Variants in PCCB observed in about 807,000 individuals in gnomAD.
PCCB encodes the protein propionyl-CoA carboxylase subunit beta.
In PCCB, 43 loss-of-function variants were observed where a neutral mutation model predicts 60.7. The observed-to-expected ratio is 0.71, with a 90% CI of 0.55 to 0.91. The LOEUF is 0.91. Among genes scored for constraint, PCCB ranks in the 40% least tolerant of loss-of-function variants. The pLI is 0.00. For missense variants in PCCB, 766 were observed against 702.8 expected (o/e 1.09, Z -1.02); for synonymous variants, 276 against 255.9 (o/e 1.08, Z -0.75).
intron 6 of PCCB, among the ~76,000 whole-genome samples, chr3:136,291,742 A>G (rs1476625248): frequency 6.6e-6 from 1 of 152,186 alleles, no homozygotes; most frequent in Non-Finnish European, 1.5e-5. Context: ...TTTGCCTGAG[A>G]GAAGACCCTG....
chr3:136,250,653 C>T, intron 1 of PCCB, 95 bp downstream of exon 1: 1 of 1,268,208 alleles, frequency 7.9e-7, no homozygotes, highest in Non-Finnish European at 1.1e-6. Flanking sequence ...CCCTGCCAAT[C>T]CGCACGGTGC....
Position 136,253,151 on chromosome 3 carries a change from G to A in PCCB, c.183+2593G>A, listed in dbSNP as rs528186279. 3.3e-4 allele frequency among the ~76,000 whole-genome samples: 48 copies of A among 147,626 alleles called. 1 individual carries two copies. In the South Asian group the frequency reaches 4.3e-3, roughly 13 times the overall value. On this transcript the variant is annotated intron_variant, in intron 1 of 14. Coordinates refer to ENST00000251654, the MANE Select transcript of PCCB (RefSeq NM_000532.5). ...GTCACCCAGGCTGGAGTGCAGTGGC[G>A]CGGTCTTGGCTCACTGCAAGCTCCG... is the stretch of plus-strand genomic sequence containing the variant.
chr3:136,327,600 AG>A (rs1935370982), intron 12 of PCCB, 33 bp from the exon 13 acceptor site: 10 of 1,499,052 alleles, frequency 6.7e-6, no homozygotes, highest in Non-Finnish European at 9.3e-6. Context: ...TGGCTGTCTC[AG>A]GCTCTAACAC....
intron 3 of PCCB, among the ~76,000 whole-genome samples, chr3:136,258,043 G>A (rs1054034523): frequency 2.0e-5 from 3 of 151,834 alleles, no homozygotes; most frequent in African/African-American, 7.3e-5. Flanking sequence ...GTTATAAATT[G>A]GTCTACCAAA....
Position 136,327,580 on chromosome 3 carries a change from G to A in PCCB, c.1300-54G>A. ...TACCTGGTTTCCTGGGGTCTTTCAGGGACATGATCTGGCTGTCTCAGGCTC... is the reference window on the plus strand; with the variant it reads ...TACCTGGTTTCCTGGGGTCTTTCAGAGACATGATCTGGCTGTCTCAGGCTC... On this transcript the variant is annotated intron_variant, in intron 12 of 14. Transcript: ENST00000251654. 6 of 1,366,610 alleles carry A rather than the reference G, an allele frequency of 4.4e-6. No homozygotes were observed. In the South Asian group the frequency reaches 7.0e-5, roughly 16 times the overall value. The allele number at this position is 1,366,610 out of a possible 1,614,324, so 84.7% of individuals were successfully genotyped here.
chr3:136,328,435 G>A (rs924319084), intron 13 of PCCB, among the ~76,000 whole-genome samples: 2 of 152,184 alleles, frequency 1.3e-5, no homozygotes, highest in Non-Finnish European at 2.9e-5. Flanking sequence ...GGAAAACAGG[G>A]CTAACATCTT....
At chr3:136,299,963 T>C (rs772226419) in intron 8 of PCCB, among the ~76,000 whole-genome samples, 11 of 152,006 alleles carry the variant, frequency 7.2e-5, no homozygotes, top group South Asian at 2.1e-4. Context: ...TATATACATG[T>C]ATGCATGTAT....
chr3:136,300,008 A>G lies in PCCB; in HGVS notation c.885-1022A>G, dbSNP rs372278043. Reference sequence around the variant, plus strand: ...CATGTGTATATATGCATACCCACACATATGCATGTGTACACGCCCACACAT... The same window carrying G: ...CATGTGTATATATGCATACCCACACGTATGCATGTGTACACGCCCACACAT... On this transcript the variant is annotated intron_variant, in intron 8 of 14. Coordinates refer to ENST00000251654, the MANE Select transcript of PCCB (RefSeq NM_000532.5). 7.0e-4 allele frequency among the ~76,000 whole-genome samples: 105 copies of G among 148,954 alleles called. 1 individual carries two copies. The South Asian group carries it at 0.021, about 29-fold the overall frequency.
chr3:136,298,256 T>C (rs1281228511), intron 8 of PCCB, among the ~76,000 whole-genome samples, 184 bp downstream of exon 8: 1 of 152,108 alleles, frequency 6.6e-6, no homozygotes. Context: ...TTTATTTTCC[T>C]TTTTCCTCTC....
intron 6 of PCCB, among the ~76,000 whole-genome samples, chr3:136,293,546 A>G (rs1427890993): frequency 6.6e-6 from 1 of 152,236 alleles, no homozygotes; most frequent in Non-Finnish European, 1.5e-5. Context: ...CTTCTGAGGT[A>G]GAACTGTGCA....
chr3:136,271,127 A>G (rs1942186610), intron 5 of PCCB, among the ~76,000 whole-genome samples: 1 of 152,026 alleles, frequency 6.6e-6, no homozygotes, highest in Admixed American at 6.6e-5. Flanking sequence ...TTTTAGTTTA[A>G]TTAGGTCCCA....
At chr3:136,256,293 C>T in intron 2 of PCCB, 1 of 573,492 alleles carries the variant, frequency 1.7e-6, no homozygotes, top group Non-Finnish European at 3.1e-6. Context: ...AAGTGGTGGC[C>T]CTGGGTCTTG....
chr3:136,313,949 T>C (rs1032790392), intron 9 of PCCB, among the ~76,000 whole-genome samples: 1 of 152,162 alleles, frequency 6.6e-6, no homozygotes. Flanking sequence ...ATGAACCCTA[T>C]AGTTGCACTG....
intron 9 of PCCB, among the ~76,000 whole-genome samples, chr3:136,308,049 C>G (rs943346427): frequency 1.4e-4 from 21 of 151,872 alleles, no homozygotes; most frequent in Non-Finnish European, 2.9e-5. Context: ...GGGTTTGATT[C>G]ACTTGTTAAA....
At chr3:136,316,219 C>CA (rs1179675269) in intron 9 of PCCB, among the ~76,000 whole-genome samples, 3 of 102,228 alleles carry the variant, frequency 2.9e-5, no homozygotes, top group Non-Finnish European at 4.0e-5. Context: ...GACCCTGTCT[C>CA]AAAAAAAGAA....
rs1178307115 is a variant in PCCB, at chr3:136,305,812, A to G, written c.966+4701A>G. On this transcript the variant is annotated intron_variant, in intron 9 of 14. Transcript: ENST00000251654. ...AAAAGAGTCAAAGCAGTGACTTTAG[A>G]AGCTACTTAAGAGTGCACACACAAA... Among the ~76,000 whole-genome samples the G allele has an allele frequency of 1.6e-5, 2 of 121,352 alleles. 1 individual carries two copies. The highest frequency in any genetic ancestry group is 3.7e-5 in the Non-Finnish European group (2 of 54,494). The allele number at this position is 121,352 out of a possible 152,430, so 79.6% of individuals were successfully genotyped here. A position where few individuals can be genotyped will look rare whatever the true frequency, so the allele number is the denominator to read the frequency against.
intron 2 of PCCB, chr3:136,256,307 G>GT: frequency 1.7e-6 from 1 of 579,588 alleles, no homozygotes; most frequent in South Asian, 2.0e-5. Flanking sequence ...GGTCTTGATT[G>GT]TTTTGCTTTT....
At chr3:136,254,293 A>C (rs1941605226) in intron 1 of PCCB, among the ~76,000 whole-genome samples, 1 of 151,812 alleles carries the variant, frequency 6.6e-6, no homozygotes, top group Non-Finnish European at 1.5e-5. Context: ...ATCTTGGCTC[A>C]CTGCAACCCC....
intron 7 of PCCB, among the ~76,000 whole-genome samples, chr3:136,296,265 A>G (rs533979763): frequency 6.6e-6 from 1 of 152,296 alleles, no homozygotes; most frequent in East Asian, 1.9e-4. Context: ...TCTGCATTTC[A>G]ACCACAGATA....
Sources: allele counts gnomAD v4.1 joint callset (sites outside exome capture counted in the v4.1 genomes callset), GRCh38; gene constraint gnomAD v4.1.1; transcripts MANE v1.5; gene names NCBI Gene and HGNC (gene_info 2026-07-23, HGNC 2026-07-21).